RANBP17: variants seen among roughly 807,000 people sequenced by gnomAD.
The protein encoded by RANBP17 is RAN binding protein 17, also known as ran-binding protein 17.
RANBP17 carries 158 observed loss-of-function variants against 141.2 expected under a neutral mutation model. The ratio of observed to expected loss-of-function variants is 1.12; its 90% confidence interval spans 0.98 to 1.28. The LOEUF (loss-of-function observed/expected upper bound fraction) is 1.28, where lower values mean the gene tolerates loss of function less well. RANBP17 is among the 50% of genes most tolerant of loss of function. The pLI, the probability that RANBP17 is intolerant of heterozygous loss-of-function variation, is 0.00. For missense variants in RANBP17, 1,438 were observed against 1,290.7 expected (o/e 1.11, Z -1.75); for synonymous variants, 430 against 450.0 (o/e 0.96, Z 0.56).
chr5:171,288,720 T>A (rs1768310080), intron 25 of RANBP17, among the ~76,000 whole-genome samples: 1 of 152,198 alleles, frequency 6.6e-6, no homozygotes, highest in African/African-American at 2.4e-5. Flanking sequence ...CAGAAGATGC[T>A]CCATAAATGA....
At chr5:171,206,241 T>A (rs1055171721) in intron 20 of RANBP17, 2 of 163,074 alleles carry the variant, frequency 1.2e-5, no homozygotes, top group African/African-American at 4.8e-5. Flanking sequence ...ATCCCAGCTC[T>A]TCATTTACTG....
At chr5:170,877,811 A>G (rs551202300) in intron 1 of RANBP17, among the ~76,000 whole-genome samples, 1 of 152,132 alleles carries the variant, frequency 6.6e-6, no homozygotes, top group Non-Finnish European at 1.5e-5. Context: ...CTCAGCATAA[A>G]TATTATTTCT....
intron 18 of RANBP17, among the ~76,000 whole-genome samples, chr5:171,184,519 G>A (rs1050676140): frequency 9.5e-6 from 1 of 105,368 alleles, no homozygotes; most frequent in Non-Finnish European, 2.3e-5. Context: ...AAAGTTTCAG[G>A]TAGAAAGAAT....
At chr5:171,092,054 T>C (rs1786331457) in intron 14 of RANBP17, among the ~76,000 whole-genome samples, 1 of 152,170 alleles carries the variant, frequency 6.6e-6, no homozygotes, top group African/African-American at 2.4e-5. Context: ...GTACTATAGG[T>C]TTTTATGTTT....
intron 5 of RANBP17, chr5:170,896,792 T>G: frequency 2.6e-6 from 1 of 391,752 alleles, no homozygotes. Context: ...ATCGTGCCAC[T>G]GCACTCCACC....
intron 14 of RANBP17, among the ~76,000 whole-genome samples, chr5:171,123,001 A>G (rs1756154388): frequency 1.3e-5 from 2 of 152,152 alleles, no homozygotes; most frequent in South Asian, 4.1e-4. Flanking sequence ...GCACCATATG[A>G]AACAGGCAGT....
chr5:171,036,013 C>T (rs745413782), intron 14 of RANBP17, among the ~76,000 whole-genome samples: 1 of 152,060 alleles, frequency 6.6e-6, no homozygotes, highest in Non-Finnish European at 1.5e-5. Flanking sequence ...GTGCCTCAGC[C>T]TCCCAAGTAG....
intron 14 of RANBP17, among the ~76,000 whole-genome samples, chr5:171,006,547 G>A (rs1193987807): frequency 2.6e-5 from 4 of 152,118 alleles, no homozygotes; most frequent in Non-Finnish European, 4.4e-5. Flanking sequence ...ATTGAACAAT[G>A]AGAACACATG....
intron 14 of RANBP17, among the ~76,000 whole-genome samples, chr5:171,035,181 A>G (rs1342594088): frequency 6.6e-6 from 1 of 152,190 alleles, no homozygotes; most frequent in African/African-American, 2.4e-5. Context: ...AATAAAGTGC[A>G]GGACAAGCCA....
intron 14 of RANBP17, among the ~76,000 whole-genome samples, chr5:171,000,906 C>CA (rs1445410787): frequency 6.6e-6 from 1 of 152,124 alleles, no homozygotes; most frequent in African/African-American, 2.4e-5. Flanking sequence ...AGAAACAAAT[C>CA]AGTGGTGGAA....
intron 21 of RANBP17, among the ~76,000 whole-genome samples, chr5:171,215,063 T>G: frequency 7.0e-6 from 1 of 142,648 alleles, no homozygotes; most frequent in East Asian, 2.2e-4. Context: ...TTGCCCCCCA[T>G]CCCCCAACAG....
intron 3 of RANBP17, 44 bp from the exon 4 acceptor site, chr5:170,892,343 G>A: frequency 1.6e-6 from 1 of 628,832 alleles, no homozygotes; most frequent in Non-Finnish European, 2.2e-6. Flanking sequence ...ACACTATGTT[G>A]TTTCTGAAAA....
At chr5:171,121,197 C>T (rs909627560) in intron 14 of RANBP17, among the ~76,000 whole-genome samples, 2 of 152,204 alleles carry the variant, frequency 1.3e-5, no homozygotes, top group South Asian at 2.1e-4. Context: ...AGCATGTGTA[C>T]GCAGTTGCTC....
intron 14 of RANBP17, among the ~76,000 whole-genome samples, chr5:170,978,535 A>G (rs745553906): frequency 3.9e-5 from 6 of 152,198 alleles, no homozygotes; most frequent in Non-Finnish European, 7.4e-5. Context: ...GAAAAACTAC[A>G]TGCAAAAATT....
intron 25 of RANBP17, among the ~76,000 whole-genome samples, chr5:171,269,344 G>A (rs1359842505): frequency 6.6e-6 from 1 of 152,200 alleles, no homozygotes; most frequent in Non-Finnish European, 1.5e-5. Context: ...ACAGAGTGCT[G>A]AGTGAAAAAT....
chr5:171,000,503 G>A (rs10058206), intron 14 of RANBP17, among the ~76,000 whole-genome samples: 94,670 of 152,008 alleles, frequency 0.62, 30,546 homozygotes, highest in South Asian at 0.88. Context: ...AGGTCTTTTG[G>A]GGCCTATCAA....
At chr5:170,982,965 T>G in intron 14 of RANBP17, 1 of 338,232 alleles carries the variant, frequency 3.0e-6, no homozygotes, top group Middle Eastern at 7.9e-4. Context: ...GAATTTCAAC[T>G]TAAAATTGTA....
chr5:171,171,170 T>C lies in RANBP17; in HGVS notation c.1785-36T>C, dbSNP rs999396088. 5 of 1,150,684 alleles carry C rather than the reference T, an allele frequency of 4.3e-6. No homozygotes were observed. The African/African-American group carries it at 7.8e-5, about 18-fold the overall frequency. 71.3% of individuals were successfully genotyped at this position (1,150,684 alleles called of 1,614,324 possible). On this transcript the variant is annotated intron_variant, in intron 15 of 27. Coordinates refer to ENST00000523189, the MANE Select transcript of RANBP17 (RefSeq NM_022897.5). ...CTGGTTCTCCTTAGACAAGCAAATA[T>C]CTTACTTATAATTAAAGACTTTTTT...
chr5:171,262,962 T>C (rs1424270458), intron 24 of RANBP17, among the ~76,000 whole-genome samples: 1 of 152,214 alleles, frequency 6.6e-6, no homozygotes, highest in Non-Finnish European at 1.5e-5. Flanking sequence ...CTTCCCTCTT[T>C]CTGTTTTCCA....
Sources: allele counts gnomAD v4.1 joint callset (sites outside exome capture counted in the v4.1 genomes callset), GRCh38; gene constraint gnomAD v4.1.1; transcripts MANE v1.5; gene names NCBI Gene and HGNC (gene_info 2026-07-23, HGNC 2026-07-21).